ZDHHC14: variants seen among roughly 807,000 people sequenced by gnomAD.
ZDHHC14 encodes the protein zDHHC palmitoyltransferase 14, also known as palmitoyltransferase ZDHHC14.
In ZDHHC14, 16 loss-of-function variants were observed where a neutral mutation model predicts 47.7. The ratio of observed to expected loss-of-function variants is 0.34; its 90% CI spans 0.23 to 0.51. The LOEUF is 0.51. ZDHHC14 is among the 20% of genes least tolerant of loss of function. The pLI is 0.97. For missense variants in ZDHHC14, 515 were observed against 662.5 expected, an observed-to-expected ratio of 0.78 and a Z score of 2.44; for synonymous variants, 293 against 278.9, an observed-to-expected ratio of 1.05 and a Z score of -0.50.
chr6:157,533,216 G>A (rs1000172687), intron 1 of ZDHHC14, among the ~76,000 whole-genome samples: 24 of 152,142 alleles, frequency 1.6e-4, no homozygotes, highest in African/African-American at 5.8e-4. Context: ...GGCACTGGAG[G>A]TTACATCAGT....
chr6:157,392,488 T>C (rs147980271), intron 1 of ZDHHC14, among the ~76,000 whole-genome samples: 244 of 152,294 alleles, frequency 1.6e-3, no homozygotes, highest in African/African-American at 5.4e-3. Context: ...TCTTCCTCTC[T>C]GTGTCATGTG....
intron 2 of ZDHHC14, among the ~76,000 whole-genome samples, chr6:157,552,200 A>G (rs1782261553): frequency 6.6e-6 from 1 of 152,186 alleles, no homozygotes; most frequent in Non-Finnish European, 1.5e-5. Flanking sequence ...TATCATTAGT[A>G]GTGTAACTGG....
intron 3 of ZDHHC14, among the ~76,000 whole-genome samples, chr6:157,611,469 A>C (rs1007436866): frequency 3.3e-5 from 5 of 152,188 alleles, no homozygotes; most frequent in African/African-American, 1.2e-4. Context: ...TGGAGAGAGC[A>C]TCCCTGGCCA....
At chr6:157,549,507 A>G (rs1341963120) in intron 2 of ZDHHC14, among the ~76,000 whole-genome samples, 2 of 152,196 alleles carry the variant, frequency 1.3e-5, no homozygotes, top group Admixed American at 6.5e-5. Flanking sequence ...AAAAAGGTAC[A>G]TCCTAGAAAA....
intron 5 of ZDHHC14, among the ~76,000 whole-genome samples, chr6:157,642,851 T>A (rs1777323931): frequency 6.6e-6 from 1 of 152,146 alleles, no homozygotes; most frequent in Admixed American, 6.5e-5. Context: ...TGTATCTGAG[T>A]CTGAGAGTGG....
At position 157,427,144 on chromosome 6, in the gene ZDHHC14, C is replaced by T. The variant is rs1392760571; in HGVS notation, c.245+44878C>T. On this transcript the variant is annotated intron_variant, in intron 1 of 8. Coordinates refer to ENST00000359775, the MANE Select transcript of ZDHHC14 (RefSeq NM_024630.3). The surrounding 1 kb of genome is among the most constrained non-coding windows in gnomAD (Gnocchi z 4.4). ...GCAGGGCGGAGGGACAAGGCTCAGG[C>T]GTAGACCTGGAGGGGCATCGGGCCT... Among the ~76,000 whole-genome samples the T allele has an allele frequency of 1.3e-5, 2 of 151,286 alleles. No homozygotes were observed. The highest frequency in any genetic ancestry group is 2.9e-5 in the Non-Finnish European group (2 of 67,866).
intron 2 of ZDHHC14, among the ~76,000 whole-genome samples, chr6:157,577,574 A>G (rs761722997): frequency 6.6e-6 from 1 of 152,132 alleles, no homozygotes; most frequent in Non-Finnish European, 1.5e-5. Flanking sequence ...TTTGAGACAG[A>G]GTTTCACTCT....
intron 1 of ZDHHC14, among the ~76,000 whole-genome samples, chr6:157,432,669 G>C (rs758547797): frequency 6.6e-6 from 1 of 152,200 alleles, no homozygotes; most frequent in Non-Finnish European, 1.5e-5. Flanking sequence ...AGGCTGCTTA[G>C]AGGCAGACCT....
intron 1 of ZDHHC14, among the ~76,000 whole-genome samples, chr6:157,446,309 C>A (rs1461792257): frequency 6.6e-6 from 1 of 152,182 alleles, no homozygotes; most frequent in African/African-American, 2.4e-5. Context: ...TAGCCACATG[C>A]AATCCATTCC....
At chr6:157,505,084 A>G (rs1045118328) in intron 1 of ZDHHC14, among the ~76,000 whole-genome samples, 1 of 152,260 alleles carries the variant, frequency 6.6e-6, no homozygotes, top group Admixed American at 6.5e-5. Context: ...TGTTGGGATT[A>G]CAGGCATGAG....
intron 3 of ZDHHC14, among the ~76,000 whole-genome samples, chr6:157,593,353 C>G (rs1462474733): frequency 6.6e-6 from 1 of 152,230 alleles, no homozygotes; most frequent in Non-Finnish European, 1.5e-5. Flanking sequence ...CTGCGAGGGC[C>G]TCCCCCAGCA....
intron 1 of ZDHHC14, among the ~76,000 whole-genome samples, chr6:157,460,404 G>GA (rs1472514760): frequency 5.5e-5 from 3 of 54,356 alleles, no homozygotes; most frequent in African/African-American, 8.4e-5. Context: ...CTCTCTCTCT[G>GA]GAAAAAAAAA....
chr6:157,581,926 T>G (rs1233006054), intron 2 of ZDHHC14, among the ~76,000 whole-genome samples: 2 of 152,054 alleles, frequency 1.3e-5, no homozygotes, highest in Non-Finnish European at 2.9e-5. Context: ...AACAGGGTCT[T>G]GCACTGTCAC....
chr6:157,436,673 G>A (rs991571377), intron 1 of ZDHHC14, among the ~76,000 whole-genome samples: 8 of 152,116 alleles, frequency 5.3e-5, no homozygotes, highest in African/African-American at 1.9e-4. Flanking sequence ...ACTTGGCAGT[G>A]AACTAACGGA....
intron 1 of ZDHHC14, among the ~76,000 whole-genome samples, chr6:157,453,788 T>TTTTTTTTTTTGTGTGTGTGTG (rs3220439): frequency 1.3e-4 from 20 of 148,194 alleles, no homozygotes; most frequent in African/African-American, 5.1e-4. Flanking sequence ...TTTTTGTGTT[T>TTTTTTTTTTTGTGTGTGTGTG]TGTGTGTGTG....
rs1295127174 is a variant in ZDHHC14 at position 157,676,519 on chromosome 6, C to T, written c.*3397C>T. ...TTATGAGCCATGTTCCTGCGGAGAC[C>T]TGATGGGCCAGGCCTTCTGTGGCTT... On this transcript the variant is annotated 3_prime_UTR_variant, in exon 9 of 9. Transcript: ENST00000359775. The T allele has an allele frequency of 6.6e-6, 1 of 152,348 alleles. No individual in the cohort carries two copies. The highest frequency in any genetic ancestry group is 1.5e-5 in the Non-Finnish European group (1 of 68,144). The allele number at this position is 152,348 out of a possible 1,614,324, so 9.4% of individuals were successfully genotyped here.
At chr6:157,438,923 G>A (rs1778501636) in intron 1 of ZDHHC14, among the ~76,000 whole-genome samples, 1 of 152,160 alleles carries the variant, frequency 6.6e-6, no homozygotes, top group Admixed American at 6.5e-5. Flanking sequence ...TTGTCTGGGC[G>A]GTAGAGAGTG....
At chr6:157,513,154 C>T (rs1780555706) in intron 1 of ZDHHC14, among the ~76,000 whole-genome samples, 1 of 152,264 alleles carries the variant, frequency 6.6e-6, no homozygotes, top group South Asian at 2.1e-4. Context: ...GGGGAGATGG[C>T]TCAGCTTGTT....
intron 1 of ZDHHC14, among the ~76,000 whole-genome samples, chr6:157,429,086 G>A (rs1200342432): frequency 6.6e-6 from 1 of 152,114 alleles, no homozygotes; most frequent in Admixed American, 6.5e-5. Context: ...GGGGGCGTGG[G>A]GGAAGGGAAC....
Sources: allele counts gnomAD v4.1 joint callset (sites outside exome capture counted in the v4.1 genomes callset), GRCh38; gene constraint gnomAD v4.1.1; non-coding constraint Gnocchi (gnomAD v3.1); transcripts MANE v1.5; gene names NCBI Gene and HGNC (gene_info 2026-07-23, HGNC 2026-07-21).